Variants in IL1R1 observed in about 807,000 individuals in gnomAD.
IL1R1 encodes the protein interleukin 1 receptor type 1.
In IL1R1, 22 loss-of-function variants were observed where a neutral mutation model predicts 50.2. The ratio of observed to expected loss-of-function variants is 0.44; its 90% CI spans 0.31 to 0.63. IL1R1 has a LOEUF of 0.63. Ranked by LOEUF, IL1R1 falls within the 20% of genes least tolerant of loss-of-function variation. The pLI, the probability that IL1R1 is intolerant of heterozygous loss-of-function variation, is 0.07. For missense variants in IL1R1, 509 were observed against 676.2 expected (o/e 0.75, Z 2.74); for synonymous variants, 251 against 236.7 (o/e 1.06, Z -0.55).
At chr2:102,079,138 C>CA (rs1251786819) in intron 1 of IL1R1, among the ~76,000 whole-genome samples, 1 of 152,034 alleles carries the variant, frequency 6.6e-6, no homozygotes, top group Admixed American at 6.5e-5. Flanking sequence ...AATGGGCATC[C>CA]AAAAAACCCC....
chr2:102,096,874 T>C (rs929341413), intron 1 of IL1R1, among the ~76,000 whole-genome samples: 1 of 105,062 alleles, frequency 9.5e-6, no homozygotes, highest in Admixed American at 1.0e-4. Context: ...CTGAAGTGGA[T>C]CTTTTTTTTT....
intron 1 of IL1R1, among the ~76,000 whole-genome samples, chr2:102,094,550 G>A (rs1419413692): frequency 6.6e-6 from 1 of 152,108 alleles, no homozygotes; most frequent in African/African-American, 2.4e-5. Context: ...CTATGAAACG[G>A]TTGAAAGGAA....
At chr2:102,155,676 C>T (rs1461378048) in intron 2 of IL1R1, among the ~76,000 whole-genome samples, 1 of 152,150 alleles carries the variant, frequency 6.6e-6, no homozygotes, top group Non-Finnish European at 1.5e-5. Context: ...ACTCCCACCC[C>T]CCTGACTGTT....
chr2:102,102,645 A>T (rs1013453434), upstream of IL1R1, among the ~76,000 whole-genome samples: 2 of 151,558 alleles, frequency 1.3e-5, no homozygotes, highest in African/African-American at 4.9e-5. Flanking sequence ...TGACTCAGCC[A>T]TCCCATTGTT....
rs2104670538 is a variant in IL1R1, at chr2:102,178,800, T to C, written c.*2041T>C. On this transcript the variant is annotated 3_prime_UTR_variant, in exon 12 of 12. Transcript: ENST00000410023. ...TAAAATGTTTCATTTTCATTAAAAA[T>C]GAAAGCCAAATTTATATGCCACCGA... 6.6e-6 allele frequency: 1 copy of C among 152,468 alleles called. No homozygotes were observed. The highest frequency in any genetic ancestry group is 1.9e-4 in the East Asian group (1 of 5,328). The allele number at this position is 152,468 out of a possible 1,614,324, so 9.4% of individuals were successfully genotyped here.
chr2:102,149,757 C>A (rs1421167315), intron 1 of IL1R1, among the ~76,000 whole-genome samples: 1 of 152,114 alleles, frequency 6.6e-6, no homozygotes, highest in Non-Finnish European at 1.5e-5. Flanking sequence ...TGTGTGCATG[C>A]TCAGGGCCCC....
At chr2:102,134,193 T>C (rs1480305956) in intron 1 of IL1R1, among the ~76,000 whole-genome samples, 2 of 152,204 alleles carry the variant, frequency 1.3e-5, no homozygotes, top group Non-Finnish European at 2.9e-5. Flanking sequence ...GATCTGTACG[T>C]GAAGCGGTGT....
At chr2:102,127,306 TGG>T (rs763669021) in intron 1 of IL1R1, among the ~76,000 whole-genome samples, 7 of 152,148 alleles carry the variant, frequency 4.6e-5, no homozygotes, top group Admixed American at 4.6e-4. Context: ...CAACTATAAC[TGG>T]TTGTGGAAAA....
chr2:102,118,910 C>T (rs1049598693), intron 1 of IL1R1, among the ~76,000 whole-genome samples: 3 of 145,878 alleles, frequency 2.1e-5, no homozygotes, highest in Admixed American at 7.1e-5. Flanking sequence ...CCCAGCTACT[C>T]GGGAGGCTGA....
chr2:102,169,789 C>A (rs1253186085), intron 7 of IL1R1, among the ~76,000 whole-genome samples: 2 of 152,204 alleles, frequency 1.3e-5, no homozygotes, highest in Admixed American at 1.3e-4. Flanking sequence ...GGCTCTAGAA[C>A]AATGTTTCTC....
chr2:102,133,810 A>G (rs1682180675), intron 1 of IL1R1, among the ~76,000 whole-genome samples: 1 of 152,186 alleles, frequency 6.6e-6, no homozygotes. Context: ...ATCATACTTA[A>G]TGAAAGCTAT....
At chr2:102,110,127 C>G (rs1269254247) in intron 1 of IL1R1, among the ~76,000 whole-genome samples, 1 of 152,112 alleles carries the variant, frequency 6.6e-6, no homozygotes, top group Non-Finnish European at 1.5e-5. Context: ...CTCTTCCTCA[C>G]CAATAGGCGA....
At position 102,179,687 on chromosome 2, in the gene IL1R1, TA is replaced by T. The variant is rs1279426624; in HGVS notation, c.*2931del. On this transcript the variant is annotated 3_prime_UTR_variant, in exon 12 of 12. Coordinates refer to ENST00000410023, the MANE Select transcript of IL1R1 (RefSeq NM_000877.4). ...CAATAAAAGGTATTGAGCCATTTTT[TA>T]AATGACATTTTTGATAAATTATGTT... 1 of 152,834 alleles carries T rather than the reference TA, an allele frequency of 6.5e-6. No homozygotes were observed. 9.5% of individuals were successfully genotyped at this position (152,834 alleles called of 1,614,324 possible). A position where few individuals can be genotyped will look rare whatever the true frequency, so the allele number is the denominator to read the frequency against.
intron 3 of IL1R1, among the ~76,000 whole-genome samples, chr2:102,160,367 T>G (rs1401646318): frequency 2.0e-5 from 3 of 152,202 alleles, no homozygotes; most frequent in African/African-American, 7.2e-5. Context: ...TTCTTCTGTT[T>G]TCTATTTCAT....
chr2:102,103,213 G>A (rs1680222560), upstream of IL1R1, among the ~76,000 whole-genome samples: 1 of 152,186 alleles, frequency 6.6e-6, no homozygotes, highest in South Asian at 2.1e-4. Context: ...CCTGGCACCT[G>A]TAAGTGCTCA....
intron 6 of IL1R1, among the ~76,000 whole-genome samples, chr2:102,166,655 C>A (rs1685205575): frequency 6.6e-6 from 1 of 152,136 alleles, no homozygotes; most frequent in Admixed American, 6.5e-5. Flanking sequence ...TGTCTAGCAG[C>A]AAGCATCGGT....
chr2:102,081,400 G>A (rs886741381), intron 1 of IL1R1, among the ~76,000 whole-genome samples: 4 of 152,126 alleles, frequency 2.6e-5, no homozygotes, highest in Non-Finnish European at 5.9e-5. Context: ...AAGATCCATG[G>A]AAATAATCTT....
rs774553627 is a variant in IL1R1 at position 102,164,870 on chromosome 2, G to A, written c.158G>A (p.Gly53Asp). Reference sequence around the variant, plus strand: ...CCTCTTAACCCAAATGAACACAAAGGCACTATAACTTGGTATAAAGATGAC... The same window carrying A: ...CCTCTTAACCCAAATGAACACAAAGACACTATAACTTGGTATAAAGATGAC... ...PCPLNPNEHK[G>D]TITWYKDDSK... The change falls in exon 4 of 12, where the codon GGC (glycine) becomes GAC (aspartate). Residue 53 changes from glycine to aspartate, a missense_variant. Gly to Asp is a moderately conservative substitution (Grantham distance 94). Transcript: ENST00000410023. 2.5e-6 allele frequency: 4 copies of A among 1,613,830 alleles called. No homozygotes were observed. The African/African-American group carries it at 5.3e-5, about 22-fold the overall frequency.
At chr2:102,121,184 C>G (rs145549811) in intron 1 of IL1R1, among the ~76,000 whole-genome samples, 1 of 152,180 alleles carries the variant, frequency 6.6e-6, no homozygotes, top group Admixed American at 6.5e-5. Flanking sequence ...ACCCAGGGGT[C>G]TGGGACATCC....
Sources: gnomAD v4.1 joint callset for allele counts (sites outside exome capture counted in the v4.1 genomes callset) on GRCh38, gnomAD v4.1.1 for gene constraint, MANE v1.5 for transcripts, NCBI Gene and HGNC (gene_info 2026-07-23, HGNC 2026-07-21) for gene names.